Variants in GCNT1 observed in about 807,000 individuals in gnomAD.
GCNT1 encodes the protein beta-1,3-galactosyl-O-glycosyl-glycoprotein beta-1,6-N-acetylglucosaminyltransferase.
GCNT1 carries 16 observed loss-of-function variants against 26.2 expected under a neutral mutation model. The observed-to-expected ratio is 0.61, with a 90% CI of 0.41 to 0.93. The LOEUF (loss-of-function observed/expected upper bound fraction) is 0.93, where lower values mean the gene tolerates loss of function less well. Among genes scored for constraint, GCNT1 ranks in the 40% least tolerant of loss-of-function variants. GCNT1 has a pLI of 0.00. For missense variants in GCNT1, 477 were observed against 526.7 expected (o/e 0.91, Z 0.92); for synonymous variants, 183 against 190.8 (o/e 0.96, Z 0.34).
At chr9:76,413,773 G>T in the GCNT1 span, among the ~76,000 whole-genome samples, 1 of 145,182 alleles carries the variant, frequency 6.9e-6, no homozygotes, top group Non-Finnish European at 1.5e-5. Flanking sequence ...AGTCTTTATT[G>T]CTTAAAATAT....
At chr9:76,465,265 A>T (rs1823968780) in intron 2 of GCNT1, among the ~76,000 whole-genome samples, 1 of 151,414 alleles carries the variant, frequency 6.6e-6, no homozygotes, top group Non-Finnish European at 1.5e-5. Context: ...AGCTGGAATT[A>T]GATGTGCGTC....
chr9:76,491,231 C>T (rs1824729635), intron 2 of GCNT1, among the ~76,000 whole-genome samples: 1 of 152,150 alleles, frequency 6.6e-6, no homozygotes, highest in African/African-American at 2.4e-5. Context: ...CTCTCTCTCT[C>T]TCTGACTTTC....
the GCNT1 span, chr9:76,398,603 A>C: frequency 1.4e-6 from 1 of 736,652 alleles, no homozygotes; most frequent in Non-Finnish European, 2.4e-6. Flanking sequence ...TTATCCACAC[A>C]AAAACCTATT....
rs536773504 is a variant in GCNT1, at chr9:76,449,987, G to A, written c.-290+7672G>A. Among the ~76,000 whole-genome samples, 28 of 152,176 alleles carry A rather than the reference G, an allele frequency of 1.8e-4. 1 individual carries two copies. The highest frequency in any genetic ancestry group is 6.7e-4 in the African/African-American group (28 of 41,496). On this transcript the variant is annotated intron_variant, in intron 1 of 2. Transcript: ENST00000442371. ...AGGTTTTCGCCGTTTTGGCCAGGCT[G>A]GTCTCAAACTCCTGACCTCAAGTGA...
chr9:76,395,964 G>A, the GCNT1 span, among the ~76,000 whole-genome samples: 7 of 152,098 alleles, frequency 4.6e-5, no homozygotes, highest in Admixed American at 1.3e-4. Flanking sequence ...ACAGAAAAGA[G>A]GTCAGAATGA....
At chr9:76,478,889 G>A (rs910457048) in intron 2 of GCNT1, among the ~76,000 whole-genome samples, 1 of 152,146 alleles carries the variant, frequency 6.6e-6, no homozygotes, top group Non-Finnish European at 1.5e-5. Context: ...TTAAGTTCTA[G>A]GGTACATGTG....
chr9:76,467,850 T>C lies in GCNT1; in HGVS notation c.-290+7673T>C, dbSNP rs145244547. ...GAAGTGTAAGAACCTCTATTTATAATTTTATAAGCATTTAAGGTCAAGAAT... is the reference window on the plus strand; with the variant it reads ...GAAGTGTAAGAACCTCTATTTATAACTTTATAAGCATTTAAGGTCAAGAAT... On this transcript the variant is annotated intron_variant, in intron 2 of 3. Transcript: ENST00000376730. Among the ~76,000 whole-genome samples the C allele has an allele frequency of 1.3e-3, 191 of 151,858 alleles. 1 individual carries two copies. The East Asian group carries it at 0.03, about 24-fold the overall frequency.
intron 2 of GCNT1, among the ~76,000 whole-genome samples, chr9:76,462,718 A>T (rs1823900469): frequency 6.6e-6 from 1 of 152,206 alleles, no homozygotes; most frequent in Admixed American, 6.5e-5. Flanking sequence ...CTATTTGTAA[A>T]TTTAAACATC....
chr9:76,399,019 C>T, the GCNT1 span: 4 of 1,587,084 alleles, frequency 2.5e-6, no homozygotes, highest in Non-Finnish European at 2.6e-6. Context: ...CTCCTGGAAC[C>T]TTCACTAACC....
chr9:76,503,400 A>G lies in GCNT1; in HGVS notation c.1019A>G (p.His340Arg), dbSNP rs756283652. Residue 340 changes from histidine (H) to arginine (R), a missense_variant, in exon 4 of 4, where the codon CAT becomes CGT. By Grantham distance (29) the His-to-Arg change is conservative (BLOSUM62 0). Coordinates refer to ENST00000376730, the MANE Select transcript of GCNT1 (RefSeq NM_001490.5). The stretch of plus-strand genomic sequence containing the variant: ...GTCCCGGGCTCACTCCCTGCCAGCC[A>G]TAAGTATGATCTGTCTGACATGCAA... ...PEVPGSLPAS[H>R]KYDLSDMQAV... is the part of the protein sequence containing the mutation. 6 of 1,614,146 alleles carry G rather than the reference A, an allele frequency of 3.7e-6. No individual in the cohort carries two copies. Among genetic ancestry groups the G allele is most frequent in the Admixed American group, 1.7e-5 (1 of 60,018 alleles).
At position 76,471,238 on chromosome 9, in the gene GCNT1, G is replaced by A. The variant is rs112038038; in HGVS notation, c.-290+11061G>A. Among the ~76,000 whole-genome samples, 1,413 of 152,240 alleles carry A rather than the reference G, an allele frequency of 9.3e-3. 22 individuals carry two copies. The highest frequency in any genetic ancestry group is 0.032 in the African/African-American group (1,346 of 41,530). On this transcript the variant is annotated intron_variant, in intron 2 of 3. Transcript: ENST00000376730. Reference sequence around the variant, plus strand: ...ACGGGGTTTCACCACGTTGGCCAGGGTGGTCTAGAATTCCTGACCTCAGAT... The same window carrying A: ...ACGGGGTTTCACCACGTTGGCCAGGATGGTCTAGAATTCCTGACCTCAGAT...
chr9:76,441,761 T>G (rs913835810), exon 1 of GCNT1: 2 of 152,382 alleles, frequency 1.3e-5, no homozygotes, highest in African/African-American at 4.8e-5. Flanking sequence ...AAATGCAGAT[T>G]ATTCTTTGAG....
Position 76,425,197 on chromosome 9 carries a change from G to A in GCNT1, n.38+5310G>A, listed in dbSNP as rs115700743. On this transcript the variant is annotated intron_variant and non_coding_transcript_variant, in intron 1 of 3. Coordinates refer to the GCNT1 transcript ENST00000488136. ...ATCACAAAAAGTTCACATGAAAAAC[G>A]TCACCCAAAGCTAGTAAGGAATAGT... Among the ~76,000 whole-genome samples, 389 of 147,622 alleles carry A rather than the reference G, an allele frequency of 2.6e-3. 1 individual carries two copies. Among genetic ancestry groups the A allele is most frequent in the African/African-American group, 9.3e-3 (374 of 40,118 alleles).
At position 76,507,399 on chromosome 9, in the gene GCNT1, C is replaced by A. The variant is rs1314829285; in HGVS notation, c.*3731C>A. ...AATCAGTTCATATCACCATTAAAAT[C>A]ATCCATTCAGAAACCAAGGCCTTGT... On this transcript the variant is annotated 3_prime_UTR_variant, in exon 4 of 4. Coordinates refer to ENST00000376730, the MANE Select transcript of GCNT1 (RefSeq NM_001490.5). 1 of 166,650 alleles carries A rather than the reference C, an allele frequency of 6.0e-6. No individual in the cohort carries two copies. Among genetic ancestry groups the A allele is most frequent in the Non-Finnish European group, 1.5e-5 (1 of 68,114 alleles). 10.3% of individuals were successfully genotyped at this position (166,650 alleles called of 1,614,324 possible).
chr9:76,398,709 C>A, the GCNT1 span: 177 of 1,280,244 alleles, frequency 1.4e-4, no homozygotes, highest in Middle Eastern at 1.0e-3. Context: ...ATGTCCGGAG[C>A]CCTTGATGTC....
chr9:76,483,402 G>A (rs1191243559), intron 2 of GCNT1, among the ~76,000 whole-genome samples: 2 of 132,356 alleles, frequency 1.5e-5, no homozygotes, highest in Non-Finnish European at 3.4e-5. Context: ...ATTAAGGAGG[G>A]GTTTTTTTTT....
upstream of GCNT1, among the ~76,000 whole-genome samples, chr9:76,415,610 G>A (rs375519322): frequency 1.3e-5 from 2 of 152,190 alleles, no homozygotes. Flanking sequence ...AGAGCAGTGT[G>A]TACAGTTTTC....
At chr9:76,431,511 T>G (rs149211234) in intron 1 of GCNT1, among the ~76,000 whole-genome samples, 29 of 152,276 alleles carry the variant, frequency 1.9e-4, no homozygotes, top group African/African-American at 6.7e-4. Context: ...CCTCTTGAAA[T>G]CAGGAAACAT....
rs771375099 is a variant in GCNT1 at position 76,503,491 on chromosome 9, G to A, written c.1110G>A (p.Pro370=). The change falls in exon 4 of 4, where the codon CCG becomes CCA. Residue 370 remains proline (P), a synonymous_variant. Coordinates refer to ENST00000376730, the MANE Select transcript of GCNT1 (RefSeq NM_001490.5). Reference sequence around the variant, plus strand: ...ATGTTTCCAAGGGTGCTCCCTACCCGCCCTGCGATGGAGTCCATGTGCGCT... The same window carrying A: ...ATGTTTCCAAGGGTGCTCCCTACCCACCCTGCGATGGAGTCCATGTGCGCT... ...EGDVSKGAPY[P]PCDGVHVRSV... 2.0e-5 allele frequency: 32 copies of A among 1,614,040 alleles called. No homozygotes were observed. Among genetic ancestry groups the A allele is most frequent in the East Asian group, 8.9e-5 (4 of 44,888 alleles).
Sources: gnomAD v4.1 joint callset for allele counts (sites outside exome capture counted in the v4.1 genomes callset) on GRCh38, gnomAD v4.1.1 for gene constraint, MANE v1.5 for transcripts, NCBI Gene and HGNC (gene_info 2026-07-23, HGNC 2026-07-21) for gene names.